The following ANKS1B variants were observed in gnomAD, a reference collection of about 807,000 sequenced individuals.
The protein encoded by ANKS1B is ankyrin repeat and sterile alpha motif domain-containing protein 1B.
In ANKS1B, 36 loss-of-function variants were observed where a neutral mutation model predicts 148.3. The ratio of observed to expected loss-of-function variants is 0.24; its 90% CI spans 0.19 to 0.32. The LOEUF is 0.32. ANKS1B is among the 10% of genes least tolerant of loss of function. The pLI, the probability that ANKS1B is intolerant of heterozygous loss-of-function variation, is 1.00. For synonymous variants in ANKS1B, 542 were observed against 560.8 expected, an observed-to-expected ratio of 0.97 and a Z score of 0.47; for missense variants, 1,157 against 1,542.6, an observed-to-expected ratio of 0.75 and a Z score of 4.19.
At chr12:99,692,098 G>C (rs2098682274) in intron 8 of ANKS1B, among the ~76,000 whole-genome samples, 1 of 152,140 alleles carries the variant, frequency 6.6e-6, no homozygotes, top group Admixed American at 6.5e-5. Flanking sequence ...TTATAATTTT[G>C]CTTGTTAAGT....
chr12:99,435,740 C>A (rs1011272161), intron 11 of ANKS1B, among the ~76,000 whole-genome samples: 1 of 151,942 alleles, frequency 6.6e-6, no homozygotes, highest in African/African-American at 2.4e-5. Flanking sequence ...AAAGAGGCAC[C>A]TACAAGCAAA....
intron 1 of ANKS1B, among the ~76,000 whole-genome samples, chr12:99,893,552 C>A (rs555354383): frequency 1.3e-5 from 2 of 151,892 alleles, no homozygotes; most frequent in African/African-American, 4.8e-5. Context: ...ATAGTTTATA[C>A]TAAATTACTT....
chr12:98,967,029 A>T (rs936388400), intron 17 of ANKS1B, among the ~76,000 whole-genome samples: 6 of 152,160 alleles, frequency 3.9e-5, no homozygotes, highest in African/African-American at 1.2e-4. Context: ...CCTAGAACTT[A>T]AAGTATAAGA....
chr12:99,511,397 G>A (rs2096764427), intron 9 of ANKS1B, among the ~76,000 whole-genome samples: 3 of 151,942 alleles, frequency 2.0e-5, no homozygotes, highest in Non-Finnish European at 2.9e-5. Context: ...ACAAACCACT[G>A]TTCAAGGAAA....
chr12:99,244,398 C>T lies in ANKS1B; in HGVS notation c.2363G>A (p.Ser788Asn). Residue 788 changes from serine to asparagine, a missense_variant, in exon 14 of 27, where the codon AGT becomes AAT. By Grantham distance (46) the Ser-to-Asn change is conservative. Transcript: ENST00000683438. Reference protein sequence around the residue: ...SEWEEIDKIMSSIDVGINNEL... With the variant: ...SEWEEIDKIMNSIDVGINNEL... ...GTTGTTGATTCCAACATCTATGGAA[C>T]TCATTATTTTGTCAATCTGTAAGAA... 6.2e-7 allele frequency: 1 copy of T among 1,604,798 alleles called. No individual in the cohort carries two copies. Among genetic ancestry groups the T allele is most frequent in the Non-Finnish European group, 8.5e-7 (1 of 1,176,506 alleles).
At chr12:99,102,670 G>C (rs767104404) in intron 15 of ANKS1B, among the ~76,000 whole-genome samples, 1 of 152,140 alleles carries the variant, frequency 6.6e-6, no homozygotes, top group Non-Finnish European at 1.5e-5. Context: ...TTTGATCCTG[G>C]GAGGCAGAGG....
At chr12:98,840,573 C>A (rs1366695820) in intron 17 of ANKS1B, among the ~76,000 whole-genome samples, 1 of 152,144 alleles carries the variant, frequency 6.6e-6, no homozygotes, top group Non-Finnish European at 1.5e-5. Context: ...ATGAGATCAT[C>A]TTTGCATGGA....
intron 9 of ANKS1B, among the ~76,000 whole-genome samples, chr12:99,633,273 G>A (rs1431947917): frequency 6.6e-6 from 1 of 152,010 alleles, no homozygotes; most frequent in African/African-American, 2.4e-5. Flanking sequence ...GCATGGTACT[G>A]GTACCAAAAC....
chr12:99,042,678 A>C (rs185273901), intron 17 of ANKS1B, among the ~76,000 whole-genome samples: 1 of 152,306 alleles, frequency 6.6e-6, no homozygotes, highest in African/African-American at 2.4e-5. Context: ...ATTGAATGCT[A>C]TTTGCAAAGC....
At chr12:99,350,087 G>A (rs539734984) in intron 12 of ANKS1B, among the ~76,000 whole-genome samples, 87 of 152,094 alleles carry the variant, frequency 5.7e-4, no homozygotes, top group African/African-American at 2.0e-3. Flanking sequence ...TGATCATGGC[G>A]CAGATCTCCC....
intron 9 of ANKS1B, among the ~76,000 whole-genome samples, chr12:98,736,960 C>A (rs148371217): frequency 2.6e-4 from 40 of 152,282 alleles, no homozygotes; most frequent in African/African-American, 9.6e-4. Flanking sequence ...ATGGGGACAA[C>A]AGATGATAAG....
chr12:99,704,446 G>A (rs979222561), intron 8 of ANKS1B, among the ~76,000 whole-genome samples: 3 of 152,018 alleles, frequency 2.0e-5, no homozygotes, highest in Non-Finnish European at 4.4e-5. Context: ...TCATTTCTCT[G>A]AAACAGTCTA....
intron 15 of ANKS1B, among the ~76,000 whole-genome samples, chr12:99,101,555 G>A (rs771257175): frequency 1.6e-4 from 24 of 152,008 alleles, no homozygotes; most frequent in Non-Finnish European, 8.8e-5. Context: ...AGGGTTTGGA[G>A]GTACAGTGTT....
chr12:99,649,253 G>C (rs372915791), intron 9 of ANKS1B: 6 of 1,482,668 alleles, frequency 4.0e-6, no homozygotes, highest in Admixed American at 1.7e-5. Flanking sequence ...GATCTTGCTG[G>C]TCTCACTGTC....
intron 14 of ANKS1B, among the ~76,000 whole-genome samples, chr12:99,164,280 C>T (rs944698044): frequency 6.6e-6 from 1 of 152,102 alleles, no homozygotes; most frequent in Non-Finnish European, 1.5e-5. Context: ...TAGCCCAGAG[C>T]TGTAATATTT....
chr12:98,781,028 G>C (rs1012111628), intron 24 of ANKS1B, 89 bp downstream of exon 24: 48 of 758,610 alleles, frequency 6.3e-5, no homozygotes, highest in Non-Finnish European at 9.0e-5. Context: ...ACAGTGGGGA[G>C]TGCTGGGTAT....
At chr12:98,997,749 A>G (rs995391504) in intron 17 of ANKS1B, among the ~76,000 whole-genome samples, 3 of 152,180 alleles carry the variant, frequency 2.0e-5, no homozygotes, top group Admixed American at 6.5e-5. Context: ...AAGCACTTAG[A>G]AAGTGCCTAG....
At chr12:98,975,836 G>A (rs7953519) in intron 17 of ANKS1B, among the ~76,000 whole-genome samples, 2 of 152,080 alleles carry the variant, frequency 1.3e-5, no homozygotes, top group African/African-American at 4.8e-5. Context: ...AGGAAGGCCA[G>A]TGTGGTTGGG....
At chr12:99,285,168 T>C (rs983028286) in intron 12 of ANKS1B, among the ~76,000 whole-genome samples, 2 of 152,220 alleles carry the variant, frequency 1.3e-5, no homozygotes, top group Non-Finnish European at 2.9e-5. Flanking sequence ...TTTCTGTCAC[T>C]ATAGGTAAGT....
Sources: gnomAD v4.1 joint callset for allele counts (sites outside exome capture counted in the v4.1 genomes callset) on GRCh38, gnomAD v4.1.1 for gene constraint, MANE v1.5 for transcripts, NCBI Gene and HGNC (gene_info 2026-07-23, HGNC 2026-07-21) for gene names.